TMTC4: variants seen among roughly 807,000 people sequenced by gnomAD.
TMTC4 encodes transmembrane O-mannosyltransferase targeting cadherins 4, also known as protein O-mannosyl-transferase TMTC4.
TMTC4 carries 65 observed loss-of-function variants against 86.0 expected under a neutral mutation model. The observed-to-expected ratio is 0.76, with a 90% CI of 0.62 to 0.93. The LOEUF is 0.93. TMTC4 is among the 40% of genes least tolerant of loss of function. TMTC4 has a pLI of 0.00. For synonymous variants in TMTC4, 379 were observed against 382.5 expected (o/e 0.99, Z 0.11); for missense variants, 866 against 948.1 (o/e 0.91, Z 1.14).
At chr13:100,621,116 G>T (rs1346896165) in intron 15 of TMTC4, among the ~76,000 whole-genome samples, 1 of 152,358 alleles carries the variant, frequency 6.6e-6, no homozygotes, top group East Asian at 1.9e-4. Flanking sequence ...TGCTACAGAT[G>T]ATCTTCCAAG....
intron 17 of TMTC4, among the ~76,000 whole-genome samples, chr13:100,611,123 A>G (rs1358298066): frequency 1.3e-5 from 2 of 152,246 alleles, no homozygotes; most frequent in Non-Finnish European, 2.9e-5. Context: ...AGAGAAGTGA[A>G]TAACACTGGA....
At chr13:100,609,671 GTATA>G (rs386363865) in intron 17 of TMTC4, among the ~76,000 whole-genome samples, 3 of 148,078 alleles carry the variant, frequency 2.0e-5, no homozygotes, top group East Asian at 2.0e-4. Flanking sequence ...CTCACTAAAT[GTATA>G]TATATACACA....
chr13:100,638,212 G>A (rs1411486782), intron 7 of TMTC4, 190 bp from the exon 8 acceptor site: 4 of 508,604 alleles, frequency 7.9e-6, no homozygotes, highest in African/African-American at 1.9e-5. Flanking sequence ...CAAGGTAATA[G>A]ATCATATTTA....
chr13:100,648,340 T>G (rs895269071), intron 6 of TMTC4, among the ~76,000 whole-genome samples: 4 of 152,068 alleles, frequency 2.6e-5, no homozygotes, highest in Non-Finnish European at 5.9e-5. Context: ...AAAAAAAAAA[T>G]GTGAACATTT....
In TMTC4 at chr13:100,612,683, AC is replaced by A. The variant is rs1594231926; in HGVS notation, c.1952-174del. On this transcript the variant is annotated intron_variant, in intron 16 of 18. Coordinates refer to ENST00000342624, the MANE Select transcript of TMTC4 (RefSeq NM_032813.5). ...CACACACACACACACACACACACAC[AC>A]ACACACACACGACGTTATCAGTGGC... 1.4e-5 allele frequency among the ~76,000 whole-genome samples: 2 copies of A among 141,726 alleles called. 1 individual carries two copies. Among genetic ancestry groups the A allele is most frequent in the Admixed American group, 1.4e-4 (2 of 14,226 alleles). 93.0% of individuals were successfully genotyped at this position (141,726 alleles called of 152,430 possible). A position where few individuals can be genotyped will look rare whatever the true frequency, so the allele number is the denominator to read the frequency against.
chr13:100,644,289 G>A (rs1347867803), intron 6 of TMTC4, among the ~76,000 whole-genome samples: 2 of 151,914 alleles, frequency 1.3e-5, no homozygotes, highest in African/African-American at 4.8e-5. Flanking sequence ...ATTTTTAGTA[G>A]AGACGGGGTT....
At chr13:100,607,763 C>CA (rs1876891069) in intron 17 of TMTC4, among the ~76,000 whole-genome samples, 1 of 152,108 alleles carries the variant, frequency 6.6e-6, no homozygotes, top group African/African-American at 2.4e-5. Context: ...ACCTTTCAGA[C>CA]AGAGCTGGCA....
chr13:100,623,853 GT>G, intron 15 of TMTC4: 1 of 474,248 alleles, frequency 2.1e-6, no homozygotes, highest in Non-Finnish European at 4.2e-6. Flanking sequence ...TGACAGCACT[GT>G]TTTCCTCTTC....
At position 100,604,314 on chromosome 13, in the gene TMTC4, TATTAC is replaced by T. The variant is rs1379513514; in HGVS notation, c.*675_*679del. The stretch of plus-strand genomic sequence containing the variant: ...ATTGATAGTAACCGCTTATGTAAAA[TATTAC>T]ATTACATAATCTCCTGTGTATTGAA... On this transcript the variant is annotated 3_prime_UTR_variant, in exon 19 of 19. Transcript: ENST00000342624. 1 of 152,600 alleles carries T rather than the reference TATTAC, an allele frequency of 6.6e-6. No individual in the cohort carries two copies. The highest frequency in any genetic ancestry group is 1.9e-4 in the East Asian group (1 of 5,194). 9.5% of individuals were successfully genotyped at this position (152,600 alleles called of 1,614,324 possible). A position where few individuals can be genotyped will look rare whatever the true frequency, so the allele number is the denominator to read the frequency against.
At chr13:100,625,701 T>C (rs1384470897) in intron 14 of TMTC4, 25 bp from the exon 15 acceptor site, 3 of 1,611,904 alleles carry the variant, frequency 1.9e-6, no homozygotes, top group Non-Finnish European at 2.5e-6. Context: ...TTAACAAAGA[T>C]AAACAAGAAG....
chr13:100,632,537 T>C (rs1394134595), intron 12 of TMTC4, among the ~76,000 whole-genome samples: 1 of 152,236 alleles, frequency 6.6e-6, no homozygotes, highest in Non-Finnish European at 1.5e-5. Context: ...ACAGGCAATT[T>C]ATTTTTGGTA....
intron 6 of TMTC4, among the ~76,000 whole-genome samples, chr13:100,652,166 A>AAAC (rs1192393847): frequency 6.6e-6 from 1 of 151,882 alleles, no homozygotes; most frequent in Admixed American, 6.6e-5. Flanking sequence ...ACTCCGTCTC[A>AAAC]AACAACAACA....
Position 100,625,465 on chromosome 13 carries a change from T to G in TMTC4, c.1836+70A>C, listed in dbSNP as rs774113917. ...TGTATGGGCTAGGTGGGTGTCACTA[T>G]GTCATTTTATTATAAATAAGAAAAA... On this transcript the variant is annotated intron_variant, in intron 15 of 18. Transcript: ENST00000342624. 4 of 1,590,762 alleles carry G rather than the reference T, an allele frequency of 2.5e-6. No individual in the cohort carries two copies. In the Admixed American group the frequency reaches 6.7e-5, roughly 27 times the overall value.
At chr13:100,614,041 G>A (rs1000676498) in intron 16 of TMTC4, among the ~76,000 whole-genome samples, 3 of 151,730 alleles carry the variant, frequency 2.0e-5, no homozygotes, top group Admixed American at 1.3e-4. Context: ...GTTTCTCCAT[G>A]TTGGTCAGGC....
At chr13:100,622,901 G>A (rs1399688324) in intron 15 of TMTC4, among the ~76,000 whole-genome samples, 1 of 152,156 alleles carries the variant, frequency 6.6e-6, no homozygotes, top group Non-Finnish European at 1.5e-5. Context: ...TGCAGAGGGG[G>A]AAGGTCACAT....
In TMTC4 at chr13:100,670,397, A is replaced by C; in HGVS notation, c.-35T>G. 1 of 1,599,440 alleles carries C rather than the reference A, an allele frequency of 6.3e-7. No individual in the cohort carries two copies. The highest frequency in any genetic ancestry group is 8.5e-7 in the Non-Finnish European group (1 of 1,175,070). On this transcript the variant is annotated 5_prime_UTR_variant, in exon 2 of 19. Transcript: ENST00000342624. ...ATGCTGTCCCCTTCCAGGGGCCAGA[A>C]GGAGGCTCAGATTTACAATCCAGAG...
chr13:100,649,254 G>C (rs1290716570), intron 6 of TMTC4, among the ~76,000 whole-genome samples: 4 of 152,196 alleles, frequency 2.6e-5, no homozygotes, highest in African/African-American at 9.7e-5. Flanking sequence ...TGAGTGTTTA[G>C]ATGGCCCAGA....
intron 11 of TMTC4, 42 bp downstream of exon 11, chr13:100,634,982 C>T (rs199903196): frequency 9.3e-6 from 15 of 1,609,392 alleles, no homozygotes; most frequent in South Asian, 3.3e-5. Context: ...GAGATGCATC[C>T]GGTCATTCTG....
chr13:100,629,835 T>C (rs901098984), intron 12 of TMTC4, among the ~76,000 whole-genome samples: 1 of 151,830 alleles, frequency 6.6e-6, no homozygotes. Context: ...AAAGAGGAAA[T>C]ATGGACACAG....
Sources: allele counts gnomAD v4.1 joint callset (sites outside exome capture counted in the v4.1 genomes callset), GRCh38; gene constraint gnomAD v4.1.1; transcripts MANE v1.5; gene names NCBI Gene and HGNC (gene_info 2026-07-23, HGNC 2026-07-21).